GRM8: variants seen among roughly 807,000 people sequenced by gnomAD.
GRM8 encodes glutamate metabotropic receptor 8, also known as metabotropic glutamate receptor 8.
A neutral mutation model predicts 87.2 loss-of-function variants in GRM8; 47 were observed. That is an observed-to-expected ratio of 0.54 (90% confidence interval 0.43 to 0.69). GRM8 has a LOEUF of 0.69. Ranked by LOEUF, GRM8 falls within the 30% of genes least tolerant of loss-of-function variation. GRM8 has a pLI of 0.00. For missense variants in GRM8, 1,019 were observed against 1,139.2 expected, an observed-to-expected ratio of 0.89 and a Z score of 1.52; for synonymous variants, 396 against 404.5, an observed-to-expected ratio of 0.98 and a Z score of 0.25.
In GRM8 at chr7:126,903,609, A is replaced by AAGTATATGTG. The variant is rs1299242594; in HGVS notation, c.1018+362_1018+363insCACATATACT. 3.0e-4 allele frequency among the ~76,000 whole-genome samples: 44 copies of AAGTATATGTG among 146,258 alleles called. 1 individual carries two copies. The highest frequency in any genetic ancestry group is 2.8e-3 in the East Asian group (14 of 5,048). Reference sequence around the variant, plus strand: ...ACACACACACACACACACTATATACATATATACATATATATATGTATATGT... The same window carrying AAGTATATGTG: ...ACACACACACACACACACTATATACAAGTATATGTGTATATACATATATATATGTATATGT... On this transcript the variant is annotated intron_variant, in intron 5 of 10. Coordinates refer to ENST00000339582, the MANE Select transcript of GRM8 (RefSeq NM_000845.3).
At chr7:126,791,351 C>T (rs1396272480) in intron 6 of GRM8, among the ~76,000 whole-genome samples, 2 of 152,182 alleles carry the variant, frequency 1.3e-5, no homozygotes, top group African/African-American at 4.8e-5. Context: ...TTCAGAGTTA[C>T]TATAATCTTT....
At chr7:126,689,183 C>T (rs193192522) in intron 7 of GRM8, among the ~76,000 whole-genome samples, 3 of 152,198 alleles carry the variant, frequency 2.0e-5, no homozygotes, top group Admixed American at 2.0e-4. Flanking sequence ...CTGTGGGAGG[C>T]CAAGAGGCTT....
chr7:126,585,573 C>G (rs1796027150), intron 8 of GRM8, among the ~76,000 whole-genome samples: 1 of 152,118 alleles, frequency 6.6e-6, no homozygotes, highest in Non-Finnish European at 1.5e-5. Context: ...GAATCAACAA[C>G]AAAAACCACA....
intron 3 of GRM8, among the ~76,000 whole-genome samples, chr7:126,943,748 A>G (rs1807229669): frequency 6.6e-6 from 1 of 152,228 alleles, no homozygotes; most frequent in African/African-American, 2.4e-5. Flanking sequence ...CTTCATGTTC[A>G]CAGAACAAGT....
At chr7:126,740,600 T>C (rs1585736977) in intron 7 of GRM8, among the ~76,000 whole-genome samples, 2 of 152,262 alleles carry the variant, frequency 1.3e-5, no homozygotes. Flanking sequence ...AAGCACTCCT[T>C]CCCTGACCTT....
chr7:126,769,270 G>C (rs1818568318), intron 7 of GRM8, among the ~76,000 whole-genome samples: 1 of 152,038 alleles, frequency 6.6e-6, no homozygotes, highest in Non-Finnish European at 1.5e-5. Context: ...AGTATATTCT[G>C]TATCAGTTTC....
intron 9 of GRM8, among the ~76,000 whole-genome samples, chr7:126,470,741 T>A (rs1179631883): frequency 2.0e-5 from 3 of 152,182 alleles, no homozygotes; most frequent in African/African-American, 7.2e-5. Flanking sequence ...GCATTTCTAG[T>A]TCTAGATCCC....
intron 6 of GRM8, among the ~76,000 whole-genome samples, chr7:126,798,132 T>C (rs1222788493): frequency 2.0e-5 from 3 of 150,842 alleles, no homozygotes; most frequent in African/African-American, 7.4e-5. Flanking sequence ...CTTCAACTTG[T>C]CTTCCATTAT....
At chr7:126,787,121 G>A (rs1820702273) in intron 6 of GRM8, among the ~76,000 whole-genome samples, 1 of 152,094 alleles carries the variant, frequency 6.6e-6, no homozygotes, top group Non-Finnish European at 1.5e-5. Flanking sequence ...TGCCCAACAA[G>A]TGCCCAATAC....
intron 8 of GRM8, among the ~76,000 whole-genome samples, chr7:126,581,672 G>C (rs760640262): frequency 1.6e-4 from 24 of 151,952 alleles, no homozygotes; most frequent in Non-Finnish European, 2.9e-4. Context: ...TTTGCAAGTT[G>C]AATGCCGAGC....
At chr7:126,733,798 A>G (rs574006835) in intron 7 of GRM8, among the ~76,000 whole-genome samples, 1 of 152,164 alleles carries the variant, frequency 6.6e-6, no homozygotes, top group South Asian at 2.1e-4. Context: ...ATCAGCAGGC[A>G]TTATTTAAAA....
chr7:126,643,188 G>A (rs62477909), intron 7 of GRM8, among the ~76,000 whole-genome samples: 46,427 of 149,254 alleles, frequency 0.31, 8,052 homozygotes, highest in East Asian at 0.43. Context: ...TACTTGGGAG[G>A]CTGAGGTAGA....
chr7:126,768,266 T>C (rs988430644), intron 7 of GRM8, among the ~76,000 whole-genome samples: 4 of 149,606 alleles, frequency 2.7e-5, no homozygotes, highest in African/African-American at 9.8e-5. Context: ...CGAAGTGCCA[T>C]GAATGTTTTG....
chr7:127,225,832 C>T (rs1218364391), intron 2 of GRM8, among the ~76,000 whole-genome samples: 1 of 151,816 alleles, frequency 6.6e-6, no homozygotes, highest in Non-Finnish European at 1.5e-5. Flanking sequence ...AAGAAGATAG[C>T]CCCACAGTCT....
Position 126,812,352 on chromosome 7 carries a change from T to C in GRM8, c.1157-42287A>G, listed in dbSNP as rs113002702. Among the ~76,000 whole-genome samples, 134 of 152,072 alleles carry C rather than the reference T, an allele frequency of 8.8e-4. 1 individual carries two copies. Among genetic ancestry groups the C allele is most frequent in the African/African-American group, 3.1e-3 (127 of 41,514 alleles). ...TGTACTTACACAAACCTAGGTGGTA[T>C]AGCTTACTACACAACTAGGCTATGT... On this transcript the variant is annotated intron_variant, in intron 6 of 10. Coordinates refer to ENST00000339582, the MANE Select transcript of GRM8 (RefSeq NM_000845.3).
At chr7:126,452,542 T>G (rs1465172023) in intron 9 of GRM8, among the ~76,000 whole-genome samples, 15 of 151,020 alleles carry the variant, frequency 9.9e-5, no homozygotes. Flanking sequence ...ATATAACTCA[T>G]GTATTTCCAA....
chr7:126,901,019 C>T (rs191426040), intron 6 of GRM8, among the ~76,000 whole-genome samples: 32 of 152,316 alleles, frequency 2.1e-4, no homozygotes, highest in Admixed American at 9.8e-4. Context: ...AATTCCTCAA[C>T]TCTGGAACTT....
intron 6 of GRM8, among the ~76,000 whole-genome samples, chr7:126,898,306 C>T (rs1014566424): frequency 7.2e-5 from 11 of 152,190 alleles, no homozygotes; most frequent in African/African-American, 1.7e-4. Flanking sequence ...CATGCCAGAT[C>T]ATCTTCCCTT....
intron 3 of GRM8, among the ~76,000 whole-genome samples, chr7:127,092,573 G>A (rs1369663540): frequency 2.0e-5 from 3 of 152,122 alleles, no homozygotes; most frequent in Non-Finnish European, 4.4e-5. Context: ...TGGGTGTGGT[G>A]GTGCATGACT....
Sources: gnomAD v4.1 joint callset for allele counts (sites outside exome capture counted in the v4.1 genomes callset) on GRCh38, gnomAD v4.1.1 for gene constraint, MANE v1.5 for transcripts, NCBI Gene and HGNC (gene_info 2026-07-23, HGNC 2026-07-21) for gene names.